Variants in SORCS3 observed in about 807,000 individuals in gnomAD.
SORCS3 encodes the protein VPS10 domain-containing receptor SorCS3.
SORCS3 carries 57 observed loss-of-function variants against 146.3 expected under a neutral mutation model. The observed-to-expected ratio is 0.39, with a 90% CI of 0.31 to 0.49. The LOEUF is 0.49. Among genes scored for constraint, SORCS3 ranks in the 20% least tolerant of loss-of-function variants. SORCS3 has a pLI of 0.92. For missense variants in SORCS3, 1,341 were observed against 1,575.5 expected (o/e 0.85, Z 2.52); for synonymous variants, 653 against 618.5 (o/e 1.06, Z -0.83).
At chr10:105,034,337 G>T (rs1332532215) in intron 4 of SORCS3, among the ~76,000 whole-genome samples, 1 of 152,140 alleles carries the variant, frequency 6.6e-6, no homozygotes, top group Non-Finnish European at 1.5e-5. Flanking sequence ...ATGTGCAAAA[G>T]CCCTGAGACT....
chr10:104,985,882 G>T (rs990300500), intron 4 of SORCS3, among the ~76,000 whole-genome samples: 35 of 152,192 alleles, frequency 2.3e-4, no homozygotes, highest in African/African-American at 8.2e-4. Context: ...CAGATGTGCT[G>T]TCATGCAGGC....
intron 16 of SORCS3, among the ~76,000 whole-genome samples, chr10:105,207,826 CAGAA>C (rs2056611852): frequency 6.6e-6 from 1 of 152,156 alleles, no homozygotes; most frequent in South Asian, 2.1e-4. Flanking sequence ...CAGAGCTGAA[CAGAA>C]CTGCTAAACA....
In SORCS3 at chr10:105,217,044, G is replaced by A. The variant is rs755501681; in HGVS notation, c.2656G>A (p.Ala886Thr). ...CGGCATCAAGCACGTGTATAAGAGT[G>A]CGGGGATCTTCCAGGTGACAGCCTA... ...EDGIKHVYKS[A>T]GIFQVTAYAE... The change falls in exon 19 of 27, where the codon GCG (alanine) becomes ACG (threonine). Residue 886 changes from alanine to threonine, a missense_variant. By Grantham distance (58) the Ala-to-Thr change is moderately conservative. Transcript: ENST00000369701. 1 of 1,614,182 alleles carries A rather than the reference G, an allele frequency of 6.2e-7. No homozygotes were observed. Among genetic ancestry groups the A allele is most frequent in the South Asian group, 1.1e-5 (1 of 91,082 alleles).
intron 2 of SORCS3, among the ~76,000 whole-genome samples, chr10:104,846,473 A>G (rs1211707300): frequency 6.6e-6 from 1 of 152,196 alleles, no homozygotes; most frequent in Non-Finnish European, 1.5e-5. Flanking sequence ...GATCTTCTTC[A>G]GTGTTCTGTA....
At chr10:105,031,419 C>T (rs2055267269) in intron 4 of SORCS3, among the ~76,000 whole-genome samples, 1 of 152,078 alleles carries the variant, frequency 6.6e-6, no homozygotes, top group Admixed American at 6.6e-5. Context: ...TGAACATTCC[C>T]TTGGGTTCTA....
At chr10:104,879,695 C>T (rs1230225465) in intron 2 of SORCS3, among the ~76,000 whole-genome samples, 1 of 152,186 alleles carries the variant, frequency 6.6e-6, no homozygotes, top group African/African-American at 2.4e-5. Flanking sequence ...GAGAGGGCCA[C>T]TTGATGAGCA....
At chr10:105,150,452 C>A (rs2056160604) in intron 9 of SORCS3, among the ~76,000 whole-genome samples, 1 of 152,146 alleles carries the variant, frequency 6.6e-6, no homozygotes, top group East Asian at 1.9e-4. Context: ...ATGAGCTGTA[C>A]ATGCGCAGTT....
chr10:105,110,639 A>T (rs2055853304), intron 7 of SORCS3, among the ~76,000 whole-genome samples: 1 of 152,066 alleles, frequency 6.6e-6, no homozygotes, highest in African/African-American at 2.4e-5. Flanking sequence ...GGTCCTTCTG[A>T]TAAGACAGAA....
At chr10:104,855,388 T>C (rs1016937399) in intron 2 of SORCS3, among the ~76,000 whole-genome samples, 3 of 152,214 alleles carry the variant, frequency 2.0e-5, no homozygotes, top group Non-Finnish European at 4.4e-5. Context: ...AGGAGTTTTG[T>C]TAAACCTATA....
intron 8 of SORCS3, among the ~76,000 whole-genome samples, chr10:105,144,751 C>T (rs1278970767): frequency 2.0e-5 from 3 of 152,026 alleles, no homozygotes; most frequent in Non-Finnish European, 4.4e-5. Context: ...TTCTCAGGAC[C>T]AACAAGTAAG....
chr10:104,868,138 C>G (rs1216524922), intron 2 of SORCS3, among the ~76,000 whole-genome samples: 1 of 152,198 alleles, frequency 6.6e-6, no homozygotes, highest in Non-Finnish European at 1.5e-5. Context: ...ACATTTCCAC[C>G]TTCACTCTGA....
intron 4 of SORCS3, among the ~76,000 whole-genome samples, chr10:105,025,048 A>G (rs2055218124): frequency 6.6e-6 from 1 of 152,124 alleles, no homozygotes; most frequent in Admixed American, 6.6e-5. Context: ...TCATTTTTCC[A>G]TTTCATCTCT....
chr10:105,164,546 G>A (rs761892012), intron 12 of SORCS3, among the ~76,000 whole-genome samples, 167 bp downstream of exon 12: 2 of 152,152 alleles, frequency 1.3e-5, no homozygotes, highest in Non-Finnish European at 2.9e-5. Flanking sequence ...GGGGTAATGG[G>A]GTATAATGAG....
rs913662542 is a variant in SORCS3, at chr10:104,842,825, A to G, written c.661A>G (p.Asn221Asp). 1.2e-6 allele frequency: 2 copies of G among 1,613,848 alleles called. No homozygotes were observed. The highest frequency in any genetic ancestry group is 1.7e-6 in the Non-Finnish European group (2 of 1,179,930). The change falls in exon 2 of 27, where the codon AAC (asparagine) becomes GAC (aspartate). Residue 221 changes from asparagine to aspartate, a missense_variant. By Grantham distance (23) the Asn-to-Asp change is conservative. Coordinates refer to ENST00000369701, the MANE Select transcript of SORCS3 (RefSeq NM_014978.3). ...ILILTKLYDFNLGSVTESSLW... is the reference protein window; with the variant it reads ...ILILTKLYDFDLGSVTESSLW... ...TATCCTGACGAAGCTGTATGACTTCAACCTGGGCAGCGTGACTGAGAGTTC... is the reference window on the plus strand; with the variant it reads ...TATCCTGACGAAGCTGTATGACTTCGACCTGGGCAGCGTGACTGAGAGTTC...
chr10:105,020,360 A>C (rs1452714154), intron 4 of SORCS3, among the ~76,000 whole-genome samples: 1 of 152,218 alleles, frequency 6.6e-6, no homozygotes, highest in African/African-American at 2.4e-5. Context: ...CTTTGCTGTC[A>C]GGATGAACTA....
At chr10:104,728,755 G>T (rs998157895) in intron 1 of SORCS3, among the ~76,000 whole-genome samples, 1 of 152,266 alleles carries the variant, frequency 6.6e-6, no homozygotes, top group East Asian at 1.9e-4. Context: ...GTATCTGGCT[G>T]ATCTTTTCTA....
chr10:105,237,922 GTTAAA>G (rs955817702), intron 20 of SORCS3, among the ~76,000 whole-genome samples: 2 of 152,166 alleles, frequency 1.3e-5, no homozygotes, highest in African/African-American at 4.8e-5. Context: ...TATGTAAGTA[GTTAAA>G]TTAAATCATC....
At chr10:105,155,242 A>G (rs2056198529) in intron 9 of SORCS3, among the ~76,000 whole-genome samples, 1 of 152,216 alleles carries the variant, frequency 6.6e-6, no homozygotes, top group African/African-American at 2.4e-5. Flanking sequence ...CTGGAAGATC[A>G]CAAGAGGTTG....
At chr10:104,743,273 T>A (rs1027003166) in intron 1 of SORCS3, among the ~76,000 whole-genome samples, 9 of 152,226 alleles carry the variant, frequency 5.9e-5, no homozygotes, top group African/African-American at 1.9e-4. Flanking sequence ...AGAGCAACCA[T>A]GACCTAGAGG....
Sources: gnomAD v4.1 joint callset for allele counts (sites outside exome capture counted in the v4.1 genomes callset) on GRCh38, gnomAD v4.1.1 for gene constraint, MANE v1.5 for transcripts, NCBI Gene and HGNC (gene_info 2026-07-23, HGNC 2026-07-21) for gene names.